The following FNBP1 variants were observed in gnomAD, a reference collection of about 807,000 sequenced individuals.
The protein encoded by FNBP1 is formin binding protein 1.
FNBP1 carries 26 observed loss-of-function variants against 90.6 expected under a neutral mutation model. The observed-to-expected ratio is 0.29, with a 90% CI of 0.21 to 0.40. The LOEUF is 0.40. Among genes scored for constraint, FNBP1 ranks in the 10% least tolerant of loss-of-function variants. The probability of loss-of-function intolerance (pLI) is 1.00; values close to 1 mark genes in which losing one functional copy is unlikely to be tolerated. For missense variants in FNBP1, 635 were observed against 768.0 expected (o/e 0.83, Z 2.05); for synonymous variants, 260 against 265.2 (o/e 0.98, Z 0.19).
At chr9:129,898,045 G>A (rs2036124091) in intron 15 of FNBP1, among the ~76,000 whole-genome samples, 1 of 151,712 alleles carries the variant, frequency 6.6e-6, no homozygotes, top group Non-Finnish European at 1.5e-5. Flanking sequence ...GGGCAGGCTG[G>A]TCTAGAACTC....
At chr9:129,982,968 G>A (rs1479381921) in intron 2 of FNBP1, among the ~76,000 whole-genome samples, 1 of 152,148 alleles carries the variant, frequency 6.6e-6, no homozygotes, top group East Asian at 1.9e-4. Flanking sequence ...CCAGACTACT[G>A]CATGATTTTA....
intron 4 of FNBP1, among the ~76,000 whole-genome samples, chr9:129,959,456 G>C (rs2047460928): frequency 1.3e-5 from 2 of 151,992 alleles, no homozygotes; most frequent in South Asian, 4.1e-4. Flanking sequence ...AGGCGTGGTG[G>C]TGCGTGCCTG....
chr9:129,983,712 G>A lies in FNBP1; in HGVS notation c.141-4338C>T, dbSNP rs569127926. ...TGAAGCCCCAGCTACTTGGGAGGGTGAGGCAGGAGAATCGCTTAAACCTGG... is the reference window on the plus strand; with the variant it reads ...TGAAGCCCCAGCTACTTGGGAGGGTAAGGCAGGAGAATCGCTTAAACCTGG... On this transcript the variant is annotated intron_variant, in intron 2 of 16. Coordinates refer to ENST00000446176, the MANE Select transcript of FNBP1 (RefSeq NM_015033.3). Among the ~76,000 whole-genome samples the A allele has an allele frequency of 2.6e-5, 4 of 152,252 alleles. No homozygotes were observed. In the South Asian group the frequency reaches 8.3e-4, roughly 32 times the overall value.
upstream of FNBP1, among the ~76,000 whole-genome samples, chr9:130,045,859 A>G (rs549909545): frequency 6.6e-6 from 1 of 152,314 alleles, no homozygotes; most frequent in Non-Finnish European, 1.5e-5. Context: ...GTTTCCCTTC[A>G]GAGCAGGAGG....
At chr9:129,951,081 C>T (rs1484114072) in intron 6 of FNBP1, among the ~76,000 whole-genome samples, 3 of 150,708 alleles carry the variant, frequency 2.0e-5, no homozygotes, top group South Asian at 4.2e-4. Context: ...AAGCGATTCT[C>T]GAGTAGCTGG....
At chr9:129,991,948 C>T (rs531472688) in intron 2 of FNBP1, among the ~76,000 whole-genome samples, 2 of 152,288 alleles carry the variant, frequency 1.3e-5, no homozygotes, top group South Asian at 2.1e-4. Flanking sequence ...CATAAGCCAC[C>T]GCGCCCAGCC....
chr9:129,963,340 A>G (rs1266443676), intron 4 of FNBP1, among the ~76,000 whole-genome samples: 1 of 152,212 alleles, frequency 6.6e-6, no homozygotes, highest in African/African-American at 2.4e-5. Context: ...CTTAAAAAAA[A>G]AAGTCTTATT....
At chr9:129,941,111 G>A (rs545692524) in intron 6 of FNBP1, among the ~76,000 whole-genome samples, 9 of 152,274 alleles carry the variant, frequency 5.9e-5, no homozygotes, top group African/African-American at 1.4e-4. Context: ...CGTCAAGGCC[G>A]GGTGTGGTGG....
chr9:129,954,118 G>A (rs1275912478), intron 6 of FNBP1, among the ~76,000 whole-genome samples: 2 of 151,980 alleles, frequency 1.3e-5, no homozygotes, highest in African/African-American at 2.4e-5. Context: ...GGAGTAAATA[G>A]GGGAGATATA....
intron 6 of FNBP1, among the ~76,000 whole-genome samples, chr9:129,940,402 G>T (rs192442324): frequency 3.0e-4 from 45 of 152,138 alleles, no homozygotes; most frequent in Non-Finnish European, 1.0e-4. Context: ...AAATTCAATA[G>T]ATGAGTTAAA....
intron 4 of FNBP1, among the ~76,000 whole-genome samples, chr9:129,975,851 C>T (rs1012496948): frequency 1.4e-4 from 18 of 131,362 alleles, no homozygotes; most frequent in Non-Finnish European, 2.3e-4. Context: ...TGTGGTTAGG[C>T]GAGATCGTGC....
chr9:129,993,230 A>G (rs1230135323), intron 2 of FNBP1, among the ~76,000 whole-genome samples: 2 of 151,116 alleles, frequency 1.3e-5, no homozygotes, highest in African/African-American at 4.9e-5. Context: ...GTCTCAAAAA[A>G]AAAAAAAAAA....
In FNBP1 at chr9:129,900,442, C is replaced by T. The variant is rs200153012; in HGVS notation, c.1534G>A (p.Ala512Thr). 18 of 1,598,754 alleles carry T rather than the reference C, an allele frequency of 1.1e-5. No homozygotes were observed. In the Admixed American group the frequency reaches 1.8e-4, roughly 16 times the overall value. ...SQNPPTVNNC[A>T]QDRESPDGSY... ...ATACTGTACCTCTCACGGTCCTGGGCGCAGTTGTTGACTGTGGGTGGGTTC... is the reference window on the plus strand; with the variant it reads ...ATACTGTACCTCTCACGGTCCTGGGTGCAGTTGTTGACTGTGGGTGGGTTC... The change falls in exon 14 of 17, where the codon GCC (alanine) becomes ACC (threonine). Residue 512 changes from alanine to threonine, a missense_variant. Physicochemically the swap from Ala to Thr is moderately conservative, Grantham distance 58. Coordinates refer to ENST00000446176, the MANE Select transcript of FNBP1 (RefSeq NM_015033.3). This position sits in a 1 kb window ranked among gnomAD's most constrained non-coding sequence, Gnocchi z 4.1.
intron 15 of FNBP1, among the ~76,000 whole-genome samples, chr9:129,899,632 G>T (rs1012096347): frequency 2.0e-4 from 30 of 152,034 alleles, no homozygotes; most frequent in African/African-American, 6.0e-4. Flanking sequence ...AGGAGGCTGA[G>T]GTTGGAGGAT....
At chr9:129,997,895 G>T (rs1208553116) in intron 1 of FNBP1, among the ~76,000 whole-genome samples, 5 of 151,866 alleles carry the variant, frequency 3.3e-5, no homozygotes, top group Non-Finnish European at 7.4e-5. Context: ...TTATTTAAAA[G>T]CCCTCTCCCA....
intron 10 of FNBP1, among the ~76,000 whole-genome samples, chr9:129,922,494 A>G (rs542398655): frequency 3.3e-4 from 51 of 152,308 alleles, no homozygotes; most frequent in African/African-American, 1.2e-3. Context: ...TTATGCCTCA[A>G]TTTCCTTACA....
intron 6 of FNBP1, among the ~76,000 whole-genome samples, chr9:129,948,013 G>A (rs1427652740): frequency 6.6e-6 from 1 of 151,758 alleles, no homozygotes; most frequent in Non-Finnish European, 1.5e-5. Flanking sequence ...AGGGGGGCAG[G>A]TGTGGTGGCT....
intron 2 of FNBP1, among the ~76,000 whole-genome samples, chr9:129,989,818 G>A (rs1191294702): frequency 1.3e-5 from 2 of 152,118 alleles, no homozygotes; most frequent in Non-Finnish European, 1.5e-5. Flanking sequence ...TCAGAGGATC[G>A]CTTGAACCTA....
intron 1 of FNBP1, among the ~76,000 whole-genome samples, chr9:130,021,298 G>A (rs2057802987): frequency 6.6e-6 from 1 of 152,134 alleles, no homozygotes; most frequent in South Asian, 2.1e-4. Flanking sequence ...ACTGAATGAT[G>A]TTTATAGTCC....
Sources: gnomAD v4.1 joint callset for allele counts (sites outside exome capture counted in the v4.1 genomes callset) on GRCh38, gnomAD v4.1.1 for gene constraint, Gnocchi (gnomAD v3.1) non-coding constraint, MANE v1.5 for transcripts, NCBI Gene and HGNC (gene_info 2026-07-23, HGNC 2026-07-21) for gene names.